Variants in EPHB1 observed in about 807,000 individuals in gnomAD.
The protein encoded by EPHB1 is EPH receptor B1, also known as ephrin type-B receptor 1.
A neutral mutation model predicts 94.4 loss-of-function variants in EPHB1; 30 were observed. The observed-to-expected ratio is 0.32, with a 90% confidence interval of 0.24 to 0.43. EPHB1 has a LOEUF of 0.43. EPHB1 is among the 20% of genes least tolerant of loss of function. The pLI is 1.00. For missense variants in EPHB1, 1,055 were observed against 1,308.3 expected (o/e 0.81, Z 2.99); for synonymous variants, 522 against 489.1 (o/e 1.07, Z -0.89).
chr3:134,874,439 C>T (rs2037574490), intron 1 of EPHB1, among the ~76,000 whole-genome samples: 1 of 152,188 alleles, frequency 6.6e-6, no homozygotes, highest in African/African-American at 2.4e-5. Context: ...CACACGTATA[C>T]TGCAAACCTG....
intron 1 of EPHB1, among the ~76,000 whole-genome samples, chr3:134,869,516 C>A (rs1409059978): frequency 6.6e-6 from 1 of 152,188 alleles, no homozygotes; most frequent in African/African-American, 2.4e-5. Context: ...CTATGCTGAA[C>A]CACTCGCTGA....
intron 1 of EPHB1, among the ~76,000 whole-genome samples, chr3:134,911,025 G>A (rs2038441738): frequency 6.6e-6 from 1 of 152,248 alleles, no homozygotes; most frequent in South Asian, 2.1e-4. Flanking sequence ...GTGAGACTAT[G>A]CAGAGTTCAG....
chr3:135,065,333 T>A (rs1937567423), intron 3 of EPHB1, among the ~76,000 whole-genome samples: 1 of 152,236 alleles, frequency 6.6e-6, no homozygotes. Context: ...TGTGTTGCTC[T>A]CTGTCTCATA....
chr3:135,228,847 C>T (rs1943464914), intron 12 of EPHB1, among the ~76,000 whole-genome samples: 1 of 152,118 alleles, frequency 6.6e-6, no homozygotes, highest in Admixed American at 6.5e-5. Flanking sequence ...TATCTGCCCT[C>T]CATATGCAAG....
At chr3:134,988,249 T>C (rs1457315846) in intron 3 of EPHB1, among the ~76,000 whole-genome samples, 3 of 152,112 alleles carry the variant, frequency 2.0e-5, no homozygotes, top group Non-Finnish European at 2.9e-5. Flanking sequence ...GGGGCTGTTA[T>C]TACAAAAAGG....
At chr3:135,047,237 G>A (rs1336596185) in intron 3 of EPHB1, among the ~76,000 whole-genome samples, 1 of 152,234 alleles carries the variant, frequency 6.6e-6, no homozygotes, top group Non-Finnish European at 1.5e-5. Context: ...GAGGTCAAGA[G>A]AGGAGAAATG....
chr3:134,886,752 C>T (rs941717964), intron 1 of EPHB1, among the ~76,000 whole-genome samples: 2 of 151,984 alleles, frequency 1.3e-5, no homozygotes, highest in Non-Finnish European at 2.9e-5. Flanking sequence ...TAGGTTGGCA[C>T]ATTAATTATC....
chr3:135,005,459 G>T (rs1208700113), intron 3 of EPHB1, among the ~76,000 whole-genome samples: 1 of 152,240 alleles, frequency 6.6e-6, no homozygotes, highest in Non-Finnish European at 1.5e-5. Flanking sequence ...AGGCAGGCAG[G>T]CCTCCTTGAG....
chr3:134,842,253 T>G (rs1257209961), intron 1 of EPHB1, among the ~76,000 whole-genome samples: 4 of 152,244 alleles, frequency 2.6e-5, no homozygotes, highest in Non-Finnish European at 4.4e-5. Context: ...GCCTTGATCT[T>G]GGACTTCTCA....
intron 12 of EPHB1, among the ~76,000 whole-genome samples, chr3:135,213,368 A>G (rs112222130): frequency 0.025 from 3,801 of 152,348 alleles, 147 homozygotes; most frequent in African/African-American, 0.087. Context: ...GACTCTGAAC[A>G]CTTGCATGGT....
chr3:135,130,691 C>T lies in EPHB1; in HGVS notation c.962-2023C>T, dbSNP rs1019999635. ...GGTGAGAGGGATGGATGATCACTCT[C>T]TTGGTCAGTGCCTGCCTCTGCCCCT... On this transcript the variant is annotated intron_variant, in intron 4 of 15. Coordinates refer to ENST00000398015, the MANE Select transcript of EPHB1 (RefSeq NM_004441.5). Among the ~76,000 whole-genome samples, 31 of 152,140 alleles carry T rather than the reference C, an allele frequency of 2.0e-4. 1 individual carries two copies. The South Asian group carries it at 2.7e-3, about 13-fold the overall frequency.
intron 12 of EPHB1, among the ~76,000 whole-genome samples, chr3:135,233,966 A>G (rs1943592230): frequency 6.6e-6 from 1 of 152,182 alleles, no homozygotes; most frequent in Non-Finnish European, 1.5e-5. Flanking sequence ...GACCTGGCCC[A>G]GGAAACCATT....
At chr3:135,199,347 G>A (rs1021315732) in intron 11 of EPHB1, among the ~76,000 whole-genome samples, 2 of 152,214 alleles carry the variant, frequency 1.3e-5, no homozygotes, top group Non-Finnish European at 2.9e-5. Context: ...CTTCGTGCTA[G>A]CAACAGCCTG....
chr3:134,995,395 T>C (rs566533661), intron 3 of EPHB1, among the ~76,000 whole-genome samples: 1 of 152,336 alleles, frequency 6.6e-6, no homozygotes, highest in South Asian at 2.1e-4. Context: ...CATTCATCCA[T>C]TGAGAGACAT....
chr3:135,024,032 G>A (rs1182624110), intron 3 of EPHB1, among the ~76,000 whole-genome samples: 1 of 152,136 alleles, frequency 6.6e-6, no homozygotes, highest in Non-Finnish European at 1.5e-5. Context: ...ACTGAAAAGG[G>A]GCCCCGCTGC....
At position 135,097,154 on chromosome 3, in the gene EPHB1, AT is replaced by A. The variant is rs199615193; in HGVS notation, c.806-9285del. Among the ~76,000 whole-genome samples, 20 of 130,788 alleles carry A rather than the reference AT, an allele frequency of 1.5e-4. No individual in the cohort carries two copies. The South Asian group carries it at 1.8e-3, about 12-fold the overall frequency. The allele number at this position is 130,788 out of a possible 152,430, so 85.8% of individuals were successfully genotyped here. On this transcript the variant is annotated intron_variant, in intron 3 of 15. Coordinates refer to ENST00000398015, the MANE Select transcript of EPHB1 (RefSeq NM_004441.5). ...ATTCGGAATTAGGCTTCAACGTATGATTTTTTTTTCTTTGTTTTTTTTTTTT... is the reference window on the plus strand; with the variant it reads ...ATTCGGAATTAGGCTTCAACGTATGATTTTTTTTCTTTGTTTTTTTTTTTT...
At chr3:135,188,624 T>G (rs1942390152) in intron 10 of EPHB1, among the ~76,000 whole-genome samples, 1 of 152,220 alleles carries the variant, frequency 6.6e-6, no homozygotes, top group Non-Finnish European at 1.5e-5. Context: ...TCACTTCTTT[T>G]TATTATATAA....
At chr3:134,815,324 A>G (rs1432278304) in intron 1 of EPHB1, among the ~76,000 whole-genome samples, 1 of 152,194 alleles carries the variant, frequency 6.6e-6, no homozygotes, top group African/African-American at 2.4e-5. Flanking sequence ...GCCATGATGT[A>G]TGCTACCTGC....
At chr3:134,915,375 C>T (rs1045105124) in intron 1 of EPHB1, among the ~76,000 whole-genome samples, 4 of 151,322 alleles carry the variant, frequency 2.6e-5, no homozygotes, top group Non-Finnish European at 2.9e-5. Flanking sequence ...CAGCATGTGA[C>T]GAGGTAGGCA....
Sources: allele counts gnomAD v4.1 joint callset (sites outside exome capture counted in the v4.1 genomes callset), GRCh38; gene constraint gnomAD v4.1.1; transcripts MANE v1.5; gene names NCBI Gene and HGNC (gene_info 2026-07-23, HGNC 2026-07-21).